ELOVL4: variants seen among roughly 807,000 people sequenced by gnomAD.
ELOVL4 encodes the protein very long chain fatty acid elongase 4.
ELOVL4 carries 18 observed loss-of-function variants against 42.1 expected under a neutral mutation model. The observed-to-expected ratio is 0.43, with a 90% CI of 0.30 to 0.63. The LOEUF (loss-of-function observed/expected upper bound fraction) is 0.63. Among genes scored for constraint, ELOVL4 ranks in the 30% least tolerant of loss-of-function variants. The probability of loss-of-function intolerance (pLI) is 0.15; values close to 1 mark genes in which losing one functional copy is unlikely to be tolerated. For synonymous variants in ELOVL4, 117 were observed against 127.0 expected (o/e 0.92, Z 0.53); for missense variants, 299 against 376.2 (o/e 0.79, Z 1.70).
At position 79,947,358 on chromosome 6, in the gene ELOVL4, G is replaced by A. The variant is rs1184607880; in HGVS notation, c.-79C>T. 1.5e-5 allele frequency: 17 copies of A among 1,155,488 alleles called. No homozygotes were observed. In the African/African-American group the frequency reaches 1.8e-4, roughly 12 times the overall value. 71.6% of individuals were successfully genotyped at this position (1,155,488 alleles called of 1,614,324 possible). On this transcript the variant is annotated 5_prime_UTR_variant, in exon 1 of 6. Transcript: ENST00000369816. ...GCTGACCCCGGAGGCGGTGGCGGCC[G>A]ACGGGGCGAGCGGCGGCCGGGAACC... is the stretch of plus-strand genomic sequence containing the variant.
At chr6:79,920,359 G>A (rs1048317112) in intron 4 of ELOVL4, among the ~76,000 whole-genome samples, 5 of 152,146 alleles carry the variant, frequency 3.3e-5, no homozygotes, top group African/African-American at 1.2e-4. Flanking sequence ...CATCTGAAAA[G>A]ACAGGAGGCA....
chr6:79,923,623 A>G (rs1774295036), intron 3 of ELOVL4, among the ~76,000 whole-genome samples: 1 of 152,122 alleles, frequency 6.6e-6, no homozygotes, highest in African/African-American at 2.4e-5. Context: ...TCTCTCAGTC[A>G]CCTTCTAGGT....
At chr6:79,933,633 A>G (rs890229107) in intron 1 of ELOVL4, among the ~76,000 whole-genome samples, 6 of 152,124 alleles carry the variant, frequency 3.9e-5, no homozygotes, top group Non-Finnish European at 7.3e-5. Context: ...GTGGTTCTCA[A>G]TACTTGTCTA....
intron 1 of ELOVL4, among the ~76,000 whole-genome samples, chr6:79,937,717 T>A (rs546714395): frequency 6.6e-6 from 1 of 152,212 alleles, no homozygotes; most frequent in East Asian, 1.9e-4. Context: ...AAGGTCACTG[T>A]TGGGAAGGAG....
At chr6:79,944,462 G>A (rs1175256791) in intron 1 of ELOVL4, among the ~76,000 whole-genome samples, 5 of 152,116 alleles carry the variant, frequency 3.3e-5, no homozygotes, top group African/African-American at 9.7e-5. Context: ...AATTATTTTT[G>A]TTGTTTTTCT....
rs1163269752 is a variant in ELOVL4 at position 79,916,503 on chromosome 6, T to C, written c.*105A>G. 6 of 1,395,834 alleles carry C rather than the reference T, an allele frequency of 4.3e-6. No individual in the cohort carries two copies. Among genetic ancestry groups the C allele is most frequent in the African/African-American group, 1.4e-5 (1 of 70,168 alleles). 86.5% of individuals were successfully genotyped at this position (1,395,834 alleles called of 1,614,324 possible). On this transcript the variant is annotated 3_prime_UTR_variant, in exon 6 of 6. Transcript: ENST00000369816. ...TACTAGGACATAGAGCACATTTGTC[T>C]TTTCTCCCCACCCCCAAGCTCTCCT...
chr6:79,924,270 T>G (rs138710581), intron 3 of ELOVL4, among the ~76,000 whole-genome samples: 2 of 152,182 alleles, frequency 1.3e-5, no homozygotes, highest in African/African-American at 4.8e-5. Flanking sequence ...ACATTTACTT[T>G]TCCTCACTTT....
chr6:79,930,564 A>C (rs1156967537), intron 1 of ELOVL4, among the ~76,000 whole-genome samples: 1 of 152,070 alleles, frequency 6.6e-6, no homozygotes, highest in Admixed American at 6.6e-5. Context: ...TTTCTTTCAT[A>C]TGTTTCCTTT....
Position 79,919,514 on chromosome 6 carries a change from T to C in ELOVL4, c.575A>G (p.His192Arg), listed in dbSNP as rs1774216799. 1 of 1,613,398 alleles carries C rather than the reference T, an allele frequency of 6.2e-7. No homozygotes were observed. Residue 192 changes from histidine (H) to arginine (R), a missense_variant, in exon 5 of 6, where the codon CAT (histidine) becomes CGT (arginine). Coordinates refer to ENST00000369816, the MANE Select transcript of ELOVL4 (RefSeq NM_022726.4). ...CCCATAGTATGAGTACATAATCACA[T>C]GGATAAAGGAATTCAACTGGGCTCC... ...FFGAQLNSFI[H>R]VIMYSYYGLT...
chr6:79,932,218 A>G (rs999346923), intron 1 of ELOVL4, among the ~76,000 whole-genome samples: 1 of 152,164 alleles, frequency 6.6e-6, no homozygotes, highest in African/African-American at 2.4e-5. Context: ...AAAGGAGTCA[A>G]TTTTACTATT....
chr6:79,926,148 T>A (rs1345592769), intron 2 of ELOVL4, 46 bp downstream of exon 2: 1 of 1,536,774 alleles, frequency 6.5e-7, no homozygotes, highest in Non-Finnish European at 9.0e-7. Context: ...CATTTTTAAA[T>A]TTCCAATAAC....
chr6:79,925,057 T>C (rs753217923), intron 2 of ELOVL4, 25 bp from the exon 3 acceptor site: 3 of 1,492,020 alleles, frequency 2.0e-6, no homozygotes, highest in South Asian at 2.3e-5. Flanking sequence ...ATAATATTTG[T>C]AGTAAAGTTT....
chr6:79,928,807 A>G (rs995657247), intron 1 of ELOVL4, among the ~76,000 whole-genome samples: 2 of 143,594 alleles, frequency 1.4e-5, no homozygotes, highest in Admixed American at 7.3e-5. Context: ...TGGTGCACAC[A>G]TGGCTCACTG....
intron 1 of ELOVL4, among the ~76,000 whole-genome samples, chr6:79,935,988 CA>C (rs1357877966): frequency 6.6e-6 from 1 of 152,178 alleles, no homozygotes; most frequent in Non-Finnish European, 1.5e-5. Context: ...TAAGATTCCA[CA>C]GTGACTTTAC....
chr6:79,944,139 A>T (rs1381886129), intron 1 of ELOVL4, among the ~76,000 whole-genome samples: 1 of 152,358 alleles, frequency 6.6e-6, no homozygotes, highest in African/African-American at 2.4e-5. Flanking sequence ...GCTATTAAAC[A>T]TTTATTAAAA....
At chr6:79,929,244 T>C (rs1774402752) in intron 1 of ELOVL4, among the ~76,000 whole-genome samples, 6 of 152,002 alleles carry the variant, frequency 3.9e-5, no homozygotes, top group Admixed American at 3.3e-4. Flanking sequence ...TCTTTTCTTT[T>C]CTTTTTTCTT....
At chr6:79,929,405 T>C (rs1774405799) in intron 1 of ELOVL4, among the ~76,000 whole-genome samples, 1 of 152,116 alleles carries the variant, frequency 6.6e-6, no homozygotes, top group African/African-American at 2.4e-5. Flanking sequence ...CACACCCTAT[T>C]ACTTTTTGTA....
chr6:79,940,298 A>G (rs1257570404), intron 1 of ELOVL4, among the ~76,000 whole-genome samples: 1 of 152,218 alleles, frequency 6.6e-6, no homozygotes, highest in Non-Finnish European at 1.5e-5. Flanking sequence ...TCATAAATAA[A>G]ACATCATTCT....
Position 79,922,115 on chromosome 6 carries a change from C to T in ELOVL4, c.370-319G>A, listed in dbSNP as rs116447988. On this transcript the variant is annotated intron_variant, in intron 3 of 5. Transcript: ENST00000369816. ...ACATTCAGACTGCTGTGCTTTTCAACTTGGTAGAGGAACTAAGATGTTTAC... is the reference window on the plus strand; with the variant it reads ...ACATTCAGACTGCTGTGCTTTTCAATTTGGTAGAGGAACTAAGATGTTTAC... 8.6e-3 allele frequency among the ~76,000 whole-genome samples: 1,305 copies of T among 152,264 alleles called. 16 individuals are homozygous for T. The highest frequency in any genetic ancestry group is 0.03 in the African/African-American group (1,249 of 41,526).
Sources: gnomAD v4.1 joint callset for allele counts (sites outside exome capture counted in the v4.1 genomes callset) on GRCh38, gnomAD v4.1.1 for gene constraint, MANE v1.5 for transcripts, NCBI Gene and HGNC (gene_info 2026-07-23, HGNC 2026-07-21) for gene names.